The following SEMA5B variants were observed in gnomAD, a reference collection of about 807,000 sequenced individuals.
The protein encoded by SEMA5B is semaphorin 5B, also known as semaphorin-5B.
In SEMA5B, 66 loss-of-function variants were observed where a neutral mutation model predicts 135.0. The observed-to-expected ratio is 0.49, with a 90% CI of 0.40 to 0.60. The LOEUF (loss-of-function observed/expected upper bound fraction) is 0.60. Among genes scored for constraint, SEMA5B ranks in the 20% least tolerant of loss-of-function variants. SEMA5B has a pLI of 0.00. For synonymous variants in SEMA5B, 690 were observed against 639.5 expected (o/e 1.08, Z -1.19); for missense variants, 1,501 against 1,566.3 (o/e 0.96, Z 0.70).
intron 6 of SEMA5B, 34 bp from the exon 7 acceptor site, chr3:122,928,649 C>A: frequency 2.0e-6 from 3 of 1,471,174 alleles, no homozygotes; most frequent in Non-Finnish European, 2.8e-6. Flanking sequence ...GACAGCACAG[C>A]TCTCCAGGTG....
intron 12 of SEMA5B, among the ~76,000 whole-genome samples, chr3:122,917,423 G>A (rs1410055179): frequency 6.6e-6 from 1 of 152,168 alleles, no homozygotes; most frequent in African/African-American, 2.4e-5. Flanking sequence ...GATACACCAA[G>A]AACAAACGAA....
intron 1 of SEMA5B, among the ~76,000 whole-genome samples, chr3:123,021,945 A>T (rs531571403): frequency 5.9e-5 from 9 of 151,732 alleles, no homozygotes; most frequent in African/African-American, 2.2e-4. Context: ...AGTCGGTCAG[A>T]TGGGTTAACA....
intron 2 of SEMA5B, among the ~76,000 whole-genome samples, chr3:122,955,435 T>G (rs1392660571): frequency 6.6e-6 from 1 of 152,246 alleles, no homozygotes; most frequent in Non-Finnish European, 1.5e-5. Flanking sequence ...TTTAAGCCCT[T>G]GCTTTTCACA....
chr3:122,991,230 C>T (rs1235093470), intron 1 of SEMA5B, among the ~76,000 whole-genome samples: 1 of 152,112 alleles, frequency 6.6e-6, no homozygotes, highest in Non-Finnish European at 1.5e-5. Flanking sequence ...TGGGTGAGAA[C>T]GTGAGCAAGA....
At position 122,912,199 on chromosome 3, in the gene SEMA5B, C is replaced by A; in HGVS notation, c.2869G>T (p.Ala957Ser). 1 of 1,599,190 alleles carries A rather than the reference C, an allele frequency of 6.3e-7. No homozygotes were observed. The change falls in exon 19 of 23, where the codon GCA becomes TCA. Residue 957 changes from alanine to serine, a missense_variant. By Grantham distance (99) the Ala-to-Ser change is moderately conservative. Transcript: ENST00000357599. ...GGGCAGGCCTGTGTGGCACATAGTG[C>A]CTCCTCCGTGTGCAGCCCGAGACAG... ...DICLGLHTEE[A>S]LCATQACPEG...
At chr3:122,975,596 G>A (rs1941290569) in intron 1 of SEMA5B, among the ~76,000 whole-genome samples, 1 of 152,222 alleles carries the variant, frequency 6.6e-6, no homozygotes. Context: ...GTTTGCGGAA[G>A]CACATAGCAC....
chr3:122,947,848 C>G (rs1287435036), intron 3 of SEMA5B, among the ~76,000 whole-genome samples: 1 of 152,166 alleles, frequency 6.6e-6, no homozygotes, highest in Non-Finnish European at 1.5e-5. Context: ...CATGACCCCC[C>G]CCAAACTGTG....
intron 1 of SEMA5B, among the ~76,000 whole-genome samples, chr3:122,990,465 C>G (rs904768302): frequency 6.6e-6 from 1 of 152,132 alleles, no homozygotes; most frequent in African/African-American, 2.4e-5. Context: ...GCAGGTTTCA[C>G]CTGAACCAGT....
chr3:122,988,019 A>G (rs1941754448), intron 1 of SEMA5B, among the ~76,000 whole-genome samples: 2 of 152,226 alleles, frequency 1.3e-5, no homozygotes, highest in Admixed American at 6.5e-5. Flanking sequence ...GAGATGTGCA[A>G]CAGTAGTGGT....
At chr3:122,938,325 C>T (rs1057120298) in intron 5 of SEMA5B, among the ~76,000 whole-genome samples, 1 of 152,178 alleles carries the variant, frequency 6.6e-6, no homozygotes, top group Non-Finnish European at 1.5e-5. Flanking sequence ...GACAGATGGA[C>T]AGACAAATGG....
At chr3:123,004,975 C>T (rs1465028437) in intron 1 of SEMA5B, among the ~76,000 whole-genome samples, 1 of 152,164 alleles carries the variant, frequency 6.6e-6, no homozygotes, top group East Asian at 1.9e-4. Flanking sequence ...AAAAACTTCC[C>T]GAATGGGAGA....
chr3:123,023,990 G>C (rs1005992060), intron 1 of SEMA5B, among the ~76,000 whole-genome samples: 16 of 152,192 alleles, frequency 1.1e-4, no homozygotes, highest in African/African-American at 3.1e-4. Context: ...GGGTATAGGT[G>C]GTGGGGCACC....
intron 1 of SEMA5B, among the ~76,000 whole-genome samples, chr3:122,973,589 C>T (rs1941206117): frequency 1.3e-5 from 2 of 152,182 alleles, no homozygotes; most frequent in Admixed American, 1.3e-4. Flanking sequence ...AGTTTTGTTC[C>T]TTTTGGTTTA....
intron 1 of SEMA5B, among the ~76,000 whole-genome samples, chr3:122,982,156 G>T (rs538111727): frequency 2.2e-4 from 34 of 152,328 alleles, no homozygotes; most frequent in Non-Finnish European, 2.9e-5. Flanking sequence ...CATGTCCCAT[G>T]AGCAGCAGCT....
chr3:122,989,082 C>T (rs559804358), intron 1 of SEMA5B, among the ~76,000 whole-genome samples: 4 of 152,354 alleles, frequency 2.6e-5, no homozygotes, highest in African/African-American at 9.6e-5. Flanking sequence ...CTACATCTTT[C>T]TCACTGCTCC....
chr3:123,024,267 A>G (rs1942752215), intron 1 of SEMA5B, among the ~76,000 whole-genome samples: 1 of 152,206 alleles, frequency 6.6e-6, no homozygotes, highest in African/African-American at 2.4e-5. Context: ...TACTCCATCC[A>G]TAAATGTCTG....
chr3:122,922,072 C>G lies in SEMA5B; in HGVS notation c.1531G>C (p.Gly511Arg). The change falls in exon 12 of 23, where the codon GGC becomes CGC. Residue 511 changes from glycine (G) to arginine (R), a missense_variant. Transcript: ENST00000357599. ...ALSTASRSLH[G>R]CYLEELHVLP... ...ACGTGCAGCTCCTCCAGGTAGCAGC[C>G]GTGGAGGCTGCGGCTCGCCGTGGAC... is the stretch of plus-strand genomic sequence containing the variant. 6.7e-7 allele frequency: 1 copy of G among 1,495,856 alleles called. No individual in the cohort carries two copies. The highest frequency in any genetic ancestry group is 8.9e-7 in the Non-Finnish European group (1 of 1,120,528). The allele number at this position is 1,495,856 out of a possible 1,614,324, so 92.7% of individuals were successfully genotyped here.
At chr3:122,961,418 C>T in intron 1 of SEMA5B, 117 bp from the exon 2 acceptor site, 1 of 911,674 alleles carries the variant, frequency 1.1e-6, no homozygotes. Context: ...GTGTTTGTTT[C>T]TTGGTGCTGC....
In SEMA5B at chr3:122,912,217, C is replaced by A; in HGVS notation, c.2851G>T (p.Gly951Trp). Reference protein sequence around the residue: ...APSPGEDICLGLHTEEALCAT... With the variant: ...APSPGEDICLWLHTEEALCAT... ...CATAGTGCCTCCTCCGTGTGCAGCC[C>A]GAGACAGATGTCCTCACCTGGGGAG... The change falls in exon 19 of 23, where the codon GGG becomes TGG. Residue 951 changes from glycine to tryptophan, a missense_variant. Gly to Trp is a radical substitution (Grantham distance 184, BLOSUM62 -2). Transcript: ENST00000357599. 6.2e-7 allele frequency: 1 copy of A among 1,607,878 alleles called. No individual in the cohort carries two copies. The highest frequency in any genetic ancestry group is 2.2e-5 in the East Asian group (1 of 44,716).
Sources: allele counts gnomAD v4.1 joint callset (sites outside exome capture counted in the v4.1 genomes callset), GRCh38; gene constraint gnomAD v4.1.1; transcripts MANE v1.5; gene names NCBI Gene and HGNC (gene_info 2026-07-23, HGNC 2026-07-21).